The following EIF3L variants were observed in gnomAD, a reference collection of about 807,000 sequenced individuals.
EIF3L encodes eukaryotic translation initiation factor 3 subunit L, also known as eIEF associated protein HSPC021.
A neutral mutation model predicts 74.6 loss-of-function variants in EIF3L; 32 were observed. The observed-to-expected ratio is 0.43, with a 90% CI of 0.32 to 0.58. The LOEUF is 0.58. Among genes scored for constraint, EIF3L ranks in the 20% least tolerant of loss-of-function variants. EIF3L has a pLI of 0.06. For synonymous variants in EIF3L, 256 were observed against 254.4 expected, an observed-to-expected ratio of 1.01 and a Z score of -0.06; for missense variants, 474 against 707.8, an observed-to-expected ratio of 0.67 and a Z score of 3.75.
intron 12 of EIF3L, chr22:37,887,053 C>G (rs1339718065): frequency 2.6e-6 from 1 of 380,434 alleles, no homozygotes. Flanking sequence ...CTCAGCCTCC[C>G]GCATAGCTGG....
Position 37,869,997 on chromosome 22 carries a change from A to C in EIF3L, c.580-179A>C, listed in dbSNP as rs146244627. ...ACATTCAGTAATGAACAGAATTCAC[A>C]GTTTAGTCAAGATGGCTTTGAAAAA... On this transcript the variant is annotated intron_variant, in intron 7 of 12. Coordinates refer to ENST00000652021, the MANE Select transcript of EIF3L (RefSeq NM_016091.4). Among the ~76,000 whole-genome samples, 914 of 152,312 alleles carry C rather than the reference A, an allele frequency of 6.0e-3. 8 individuals are homozygous for C. Among genetic ancestry groups the C allele is most frequent in the Admixed American group, 0.011 (163 of 15,290 alleles).
At chr22:37,849,796 C>G in intron 1 of EIF3L, 1 of 613,298 alleles carries the variant, frequency 1.6e-6, no homozygotes, top group African/African-American at 1.8e-5. Context: ...ATTCCCACAG[C>G]CTCTTGTCCT....
At chr22:37,856,310 C>T (rs1018419651) in intron 4 of EIF3L, among the ~76,000 whole-genome samples, 2 of 152,084 alleles carry the variant, frequency 1.3e-5, no homozygotes, top group East Asian at 3.9e-4. Flanking sequence ...CTGCTGACGT[C>T]AGGTGATTCG....
chr22:37,859,401 A>T (rs1190685825), intron 5 of EIF3L, among the ~76,000 whole-genome samples: 1 of 48,100 alleles, frequency 2.1e-5, no homozygotes, highest in Non-Finnish European at 3.4e-5. Flanking sequence ...TTTTTGAGAG[A>T]GAGTGAGTCT....
chr22:37,868,299 A>G (rs1001950810), intron 7 of EIF3L, among the ~76,000 whole-genome samples: 1 of 131,502 alleles, frequency 7.6e-6, no homozygotes, highest in African/African-American at 2.9e-5. Flanking sequence ...TTTTTTTTGC[A>G]TTTTTAGTAG....
chr22:37,884,156 T>G (rs1380966186), intron 11 of EIF3L: 2 of 152,224 alleles, frequency 1.3e-5, no homozygotes, highest in Non-Finnish European at 2.9e-5. Flanking sequence ...TGGAATCATG[T>G]AATATATGGA....
At position 37,877,795 on chromosome 22, in the gene EIF3L, G is replaced by T. The variant is rs761011952; in HGVS notation, c.1199G>T (p.Arg400Leu). The change falls in exon 11 of 13, where the codon CGC becomes CTC. Residue 400 changes from arginine to leucine, a missense_variant. Physicochemically the swap from Arg to Leu is moderately radical, Grantham distance 102 (BLOSUM62 -2). Around this residue, in one of 4 missense-constraint regions of EIF3L, gnomAD observed 293 missense variants for 469.1 expected, o/e 0.62. Coordinates refer to ENST00000652021, the MANE Select transcript of EIF3L (RefSeq NM_016091.4). ...GAGAAATATGGGGACAAGATGTTGC[G>T]CATGCAGAAAGGTGACCCACAAGTC... ...LREKYGDKML[R>L]MQKGDPQVYE... 1 of 1,613,892 alleles carries T rather than the reference G, an allele frequency of 6.2e-7. No individual in the cohort carries two copies. Among genetic ancestry groups the T allele is most frequent in the Non-Finnish European group, 8.5e-7 (1 of 1,179,870 alleles).
intron 8 of EIF3L, 43 bp downstream of exon 8, chr22:37,870,390 C>T (rs983235965): frequency 6.5e-7 from 1 of 1,543,378 alleles, no homozygotes; most frequent in Admixed American, 2.0e-5. Context: ...GAATTTCCAG[C>T]TGCTTGCCAT....
Position 37,849,463 on chromosome 22 carries a change from CTGA to C in EIF3L, c.19_21del (p.Asp7del), listed in dbSNP as rs1569108075. 1.2e-6 allele frequency: 2 copies of C among 1,612,084 alleles called. No homozygotes were observed. Reference sequence around the variant, plus strand: ...AGCGAGGCAGCCATGTCTTATCCCGCTGATGATTATGAGTCTGAGGTAAGGTGG... The same window carrying C: ...AGCGAGGCAGCCATGTCTTATCCCGCTGATTATGAGTCTGAGGTAAGGTGG... On this transcript the variant is annotated inframe_deletion, in exon 1 of 13. Transcript: ENST00000652021.
At chr22:37,888,278 T>C in intron 12 of EIF3L, 148 bp from the exon 13 acceptor site, 1 of 730,126 alleles carries the variant, frequency 1.4e-6, no homozygotes, top group Non-Finnish European at 2.3e-6. Flanking sequence ...TGTCACGGCT[T>C]TGCACACACA....
chr22:37,859,692 A>G (rs1925750801), intron 5 of EIF3L, among the ~76,000 whole-genome samples: 2 of 151,656 alleles, frequency 1.3e-5, no homozygotes, highest in South Asian at 4.2e-4. Flanking sequence ...TAGAGTGCCT[A>G]AAGTTTCTTA....
At chr22:37,859,802 GAGACC>G (rs1925757130) in intron 5 of EIF3L, among the ~76,000 whole-genome samples, 1 of 152,070 alleles carries the variant, frequency 6.6e-6, no homozygotes, top group African/African-American at 2.4e-5. Context: ...TCAGGAATTT[GAGACC>G]AGCCTGGCCA....
intron 7 of EIF3L, among the ~76,000 whole-genome samples, chr22:37,869,197 C>T (rs1200769384): frequency 6.6e-6 from 1 of 152,208 alleles, no homozygotes; most frequent in Non-Finnish European, 1.5e-5. Flanking sequence ...GGCACAACCT[C>T]ACCTCACTGT....
In EIF3L at chr22:37,889,099, G is replaced by A. The variant is rs1216874752; in HGVS notation, c.*635G>A. The stretch of plus-strand genomic sequence containing the variant: ...GAGTCTCACTCTGTCGCCCAGGTTG[G>A]AGTGTACTGGCGCGATCTCGGCTCA... On this transcript the variant is annotated 3_prime_UTR_variant, in exon 13 of 13. Coordinates refer to ENST00000652021, the MANE Select transcript of EIF3L (RefSeq NM_016091.4). 6.6e-6 allele frequency: 1 copy of A among 152,162 alleles called. No individual in the cohort carries two copies. The highest frequency in any genetic ancestry group is 1.9e-4 in the East Asian group (1 of 5,190). 9.4% of individuals were successfully genotyped at this position (152,162 alleles called of 1,614,324 possible).
At chr22:37,871,020 C>T (rs758716585) in intron 8 of EIF3L, among the ~76,000 whole-genome samples, 13 of 151,546 alleles carry the variant, frequency 8.6e-5, no homozygotes, top group Admixed American at 5.3e-4. Flanking sequence ...CCCAGCTACT[C>T]GGGAGGCTGA....
chr22:37,863,292 C>G lies in EIF3L; in HGVS notation c.526C>G (p.Leu176Val), dbSNP rs1166755170. Reference protein sequence around the residue: ...YILNADGPAPLELPNQWLWDI... With the variant: ...YILNADGPAPVELPNQWLWDI... Reference sequence around the variant, plus strand: ...CACAGATGCCGATGGTCCTGCTCCCCTTGAACTACCCAACCAGTGGCTCTG... The same window carrying G: ...CACAGATGCCGATGGTCCTGCTCCCGTTGAACTACCCAACCAGTGGCTCTG... Residue 176 changes from leucine to valine, a missense_variant, in exon 7 of 13, where the codon CTT becomes GTT. Transcript: ENST00000652021. 6.2e-7 allele frequency: 1 copy of G among 1,613,966 alleles called. No individual in the cohort carries two copies. The highest frequency in any genetic ancestry group is 1.1e-5 in the South Asian group (1 of 91,044).
Position 37,878,090 on chromosome 22 carries a change from G to A in EIF3L, c.1494G>A (p.Lys498=). ...TTCTTGTCTTCAAACACAAGATGAAGAACCTCGTGTGGACCAGCGGTATCT... is the reference window on the plus strand; with the variant it reads ...TTCTTGTCTTCAAACACAAGATGAAAAACCTCGTGTGGACCAGCGGTATCT... ...IQLLVFKHKM[K]NLVWTSGISA... is the part of the protein sequence containing the mutation. The change falls in exon 11 of 13, where the codon AAG becomes AAA. Residue 498 remains lysine, a synonymous_variant. Transcript: ENST00000652021. 1 of 1,614,158 alleles carries A rather than the reference G, an allele frequency of 6.2e-7. No individual in the cohort carries two copies. Among genetic ancestry groups the A allele is most frequent in the Non-Finnish European group, 8.5e-7 (1 of 1,180,044 alleles).
At chr22:37,856,031 A>T (rs976744510) in intron 4 of EIF3L, among the ~76,000 whole-genome samples, 2 of 99,282 alleles carry the variant, frequency 2.0e-5, no homozygotes, top group Admixed American at 1.0e-4. Context: ...CCCTGGCACC[A>T]ATTTATTTAT....
At position 37,858,883 on chromosome 22, in the gene EIF3L, G is replaced by A. The variant is rs1392534604; in HGVS notation, c.435+143G>A. On this transcript the variant is annotated intron_variant, in intron 5 of 12. Transcript: ENST00000652021. ...ATGTTTTTGAGTTTTAAGAAGCGGT[G>A]GAAGGAACAGTTTAACCCAGAAAGC... 13 of 727,066 alleles carry A rather than the reference G, an allele frequency of 1.8e-5. No homozygotes were observed. In the South Asian group the frequency reaches 2.0e-4, roughly 11 times the overall value. 45.0% of individuals were successfully genotyped at this position (727,066 alleles called of 1,614,324 possible).
Sources: allele counts gnomAD v4.1 joint callset (sites outside exome capture counted in the v4.1 genomes callset), GRCh38; gene constraint gnomAD v4.1.1; regional missense constraint gnomAD v4.1.1; transcripts MANE v1.5; gene names NCBI Gene and HGNC (gene_info 2026-07-23, HGNC 2026-07-21).